Variants in PCDHA7 observed in about 807,000 individuals in gnomAD.
The protein encoded by PCDHA7 is protocadherin alpha 7.
A neutral mutation model predicts 57.2 loss-of-function variants in PCDHA7; 37 were observed. The ratio of observed to expected loss-of-function variants is 0.65; its 90% CI spans 0.50 to 0.85. The LOEUF (loss-of-function observed/expected upper bound fraction) is 0.85, where lower values mean the gene tolerates loss of function less well. Among genes scored for constraint, PCDHA7 ranks in the 40% least tolerant of loss-of-function variants. PCDHA7 has a pLI of 0.00. For synonymous variants in PCDHA7, 553 were observed against 558.8 expected (o/e 0.99, Z 0.15); for missense variants, 1,188 against 1,241.8 (o/e 0.96, Z 0.65).
intron 1 of PCDHA7, chr5:140,967,124 A>G (rs782387198): frequency 1.2e-6 from 2 of 1,612,200 alleles, no homozygotes; most frequent in South Asian, 2.2e-5. Context: ...CTGCCTGCTC[A>G]GCTTGGAAGT....
chr5:140,857,081 A>G, intron 1 of PCDHA7: 1 of 1,597,048 alleles, frequency 6.3e-7, no homozygotes, highest in African/African-American at 1.3e-5. Context: ...TGAAAATGAT[A>G]ATTCACCTGA....
At chr5:140,978,851 C>T (rs2096826375) in intron 1 of PCDHA7, 98 bp from the exon 2 acceptor site, 2 of 1,578,528 alleles carry the variant, frequency 1.3e-6, no homozygotes, top group South Asian at 2.3e-5. Flanking sequence ...TTTTTAGATG[C>T]CTGGAAATAT....
At chr5:140,943,761 A>T (rs1219179710) in intron 1 of PCDHA7, among the ~76,000 whole-genome samples, 1 of 152,248 alleles carries the variant, frequency 6.6e-6, no homozygotes, top group Non-Finnish European at 1.5e-5. Context: ...TAGGAGATGT[A>T]GGAAAAAAAC....
chr5:140,849,671 C>T (rs2150444365), intron 1 of PCDHA7: 6 of 1,598,630 alleles, frequency 3.8e-6, no homozygotes, highest in Middle Eastern at 1.7e-4. Flanking sequence ...TGACGCCCCA[C>T]GTCCCCTTCA....
At chr5:140,964,792 C>T (rs183206526) in intron 1 of PCDHA7, among the ~76,000 whole-genome samples, 5 of 151,738 alleles carry the variant, frequency 3.3e-5, no homozygotes, top group African/African-American at 7.3e-5. Context: ...AAGCCAGAGA[C>T]CCAAGAAAGG....
At chr5:140,846,342 C>CTTTCTCT (rs1780336698) in intron 1 of PCDHA7, among the ~76,000 whole-genome samples, 1 of 138,926 alleles carries the variant, frequency 7.2e-6, no homozygotes, top group Non-Finnish European at 1.6e-5. Flanking sequence ...TTTTAAAGTG[C>CTTTCTCT]TTTCTCTTTT....
chr5:140,993,342 C>T (rs1554253606), intron 3 of PCDHA7, among the ~76,000 whole-genome samples: 1 of 151,994 alleles, frequency 6.6e-6, no homozygotes, highest in African/African-American at 2.4e-5. Flanking sequence ...TTGAAGGGCA[C>T]TACGAAGATC....
rs782527674 is a variant in PCDHA7 at position 140,876,124 on chromosome 5, G to A, written c.2355+39386G>A. 162 of 1,613,780 alleles carry A rather than the reference G, an allele frequency of 1.0e-4. No individual in the cohort carries two copies. The highest frequency in any genetic ancestry group is 1.3e-4 in the Non-Finnish European group (152 of 1,179,892). ...TTTATTGCTGATGGTAATCGATGGC[G>A]GTAAACCAGAACTAACAGGGTCTGT... On this transcript the variant is annotated intron_variant, in intron 1 of 3. Coordinates refer to ENST00000525929, the MANE Select transcript of PCDHA7 (RefSeq NM_018910.3).
At chr5:140,998,295 A>G (rs2097805023) in intron 3 of PCDHA7, among the ~76,000 whole-genome samples, 1 of 152,206 alleles carries the variant, frequency 6.6e-6, no homozygotes, top group Non-Finnish European at 1.5e-5. Context: ...CAGATCACAC[A>G]TTTAGTAAGG....
At chr5:140,956,174 C>T (rs1353306679) in intron 1 of PCDHA7, among the ~76,000 whole-genome samples, 1 of 152,154 alleles carries the variant, frequency 6.6e-6, no homozygotes. Context: ...GCCAGAACTT[C>T]CAATACTATG....
intron 1 of PCDHA7, chr5:140,841,549 G>T (rs781866504): frequency 6.2e-6 from 10 of 1,613,710 alleles, no homozygotes; most frequent in East Asian, 2.2e-5. Context: ...ACCTTCTGGA[G>T]GTAAGTCTGC....
At chr5:140,969,087 T>C (rs146741684) in intron 1 of PCDHA7, 741 of 1,613,920 alleles carry the variant, frequency 4.6e-4, no homozygotes, top group Non-Finnish European at 5.8e-4. Flanking sequence ...GGCCTCAAAG[T>C]GCAGCCTCAC....
At position 140,857,686 on chromosome 5, in the gene PCDHA7, C is replaced by A; in HGVS notation, c.2355+20948C>A. The A allele has an allele frequency of 3.8e-6, 6 of 1,597,184 alleles. 1 individual carries two copies. Among genetic ancestry groups the A allele is most frequent in the Non-Finnish European group, 5.1e-6 (6 of 1,167,762 alleles). ...ATGGGGGCGTGCCGCCTCTGGGCAG[C>A]AACTTGACGCTGCAGGTGTTCGTGC... On this transcript the variant is annotated intron_variant, in intron 1 of 3. Transcript: ENST00000525929.
At chr5:140,870,065 C>T (rs2051628168) in intron 1 of PCDHA7, 2 of 1,613,794 alleles carry the variant, frequency 1.2e-6, no homozygotes, top group Non-Finnish European at 1.7e-6. Flanking sequence ...GAAGTACAGG[C>T]TACAGATAAG....
intron 1 of PCDHA7, among the ~76,000 whole-genome samples, chr5:140,879,750 A>G (rs1554170976): frequency 1.3e-5 from 2 of 152,216 alleles, no homozygotes; most frequent in Non-Finnish European, 2.9e-5. Context: ...TGTCAAGGCT[A>G]TACTCTCTTT....
chr5:140,941,202 C>CTTTCTCTCTTT (rs1554213921), intron 1 of PCDHA7, among the ~76,000 whole-genome samples: 1 of 122,742 alleles, frequency 8.1e-6, no homozygotes, highest in African/African-American at 3.0e-5. Flanking sequence ...TTTCTTTCTT[C>CTTTCTCTCTTT]CTTTCTTTCT....
intron 1 of PCDHA7, chr5:140,857,218 T>G: frequency 6.3e-7 from 1 of 1,598,468 alleles, no homozygotes. Context: ...CTCTGACGCC[T>G]CACGTTCCGT....
chr5:140,870,168 C>A, intron 1 of PCDHA7: 1 of 1,614,108 alleles, frequency 6.2e-7, no homozygotes, highest in Admixed American at 1.7e-5. Context: ...CTTCCTTGTC[C>A]CTCCCAGTAC....
intron 1 of PCDHA7, among the ~76,000 whole-genome samples, chr5:140,931,665 T>C (rs2087667345): frequency 6.6e-6 from 1 of 151,998 alleles, no homozygotes. Flanking sequence ...GGCTGGATAT[T>C]TCCTTATAAA....
Sources: gnomAD v4.1 joint callset for allele counts (sites outside exome capture counted in the v4.1 genomes callset) on GRCh38, gnomAD v4.1.1 for gene constraint, MANE v1.5 for transcripts, NCBI Gene and HGNC (gene_info 2026-07-23, HGNC 2026-07-21) for gene names.